The following WDPCP variants were observed in gnomAD, a reference collection of about 807,000 sequenced individuals.
WDPCP encodes the protein WD repeat-containing and planar cell polarity effector protein fritz homolog.
In WDPCP, 71 loss-of-function variants were observed where a neutral mutation model predicts 93.1. That is an observed-to-expected ratio of 0.76 (90% CI 0.63 to 0.93). WDPCP has a LOEUF of 0.93. WDPCP is among the 40% of genes least tolerant of loss of function. The probability of loss-of-function intolerance (pLI) is 0.00; values close to 1 mark genes in which losing one functional copy is unlikely to be tolerated. For missense variants in WDPCP, 844 were observed against 887.4 expected (o/e 0.95, Z 0.62); for synonymous variants, 315 against 315.0 (o/e 1.00, Z 0.00).
At chr2:63,466,738 T>C (rs1376756379) in intron 6 of WDPCP, among the ~76,000 whole-genome samples, 2 of 152,234 alleles carry the variant, frequency 1.3e-5, no homozygotes, top group African/African-American at 2.4e-5. Context: ...AGTTAGATTA[T>C]TCAGATTTGA....
In WDPCP at chr2:63,190,100, G is replaced by T. The variant is rs183723715; in HGVS notation, c.1916-15268C>A. Among the ~76,000 whole-genome samples the T allele has an allele frequency of 1.1e-3, 160 of 151,898 alleles. No individual in the cohort carries two copies. The South Asian group carries it at 0.011, about 10-fold the overall frequency. ...GTGTGATAACAGGGTGGGGAGAGGG[G>T]GCAGAAAAAAATAAACAAATAGTGA... On this transcript the variant is annotated intron_variant, in intron 14 of 17. Transcript: ENST00000272321.
chr2:63,764,884 T>C (rs1249898576), intron 2 of WDPCP, among the ~76,000 whole-genome samples: 1 of 152,198 alleles, frequency 6.6e-6, no homozygotes, highest in African/African-American at 2.4e-5. Context: ...AGATTCTCTT[T>C]GAGGTCATGT....
Position 63,135,919 on chromosome 2 carries a change from A to C in WDPCP, c.2191-13863T>G, listed in dbSNP as rs145325798. 6.9e-3 allele frequency among the ~76,000 whole-genome samples: 1,044 copies of C among 152,140 alleles called. 14 individuals carry two copies. Among genetic ancestry groups the C allele is most frequent in the African/African-American group, 0.024 (986 of 41,492 alleles). On this transcript the variant is annotated intron_variant, in intron 17 of 17. Coordinates refer to ENST00000272321, the MANE Select transcript of WDPCP (RefSeq NM_015910.7). ...CTAATTAAAAAAAATTTTTTTTTAG[A>C]GATGGGGTCCTGCTATGTTGCCCAG...
At chr2:63,460,862 G>A (rs191929720) in intron 6 of WDPCP, among the ~76,000 whole-genome samples, 7 of 151,352 alleles carry the variant, frequency 4.6e-5, no homozygotes, top group Non-Finnish European at 8.9e-5. Flanking sequence ...TCCTGACCTC[G>A]TGATTCACCC....
Position 63,121,741 on chromosome 2 carries a change from AT to A in WDPCP, c.*264del. ...TCTATTTTTGTAGCACCTAATTAAC[AT>A]ACAATTTAAGACACTTTCAAAATTT... On this transcript the variant is annotated 3_prime_UTR_variant, in exon 18 of 18. Transcript: ENST00000272321. The A allele has an allele frequency of 1.3e-6, 1 of 799,956 alleles. No homozygotes were observed. The highest frequency in any genetic ancestry group is 3.8e-5 in the East Asian group (1 of 26,242). The allele number at this position is 799,956 out of a possible 1,614,324, so 49.6% of individuals were successfully genotyped here.
chr2:63,795,496 T>A (rs1670600740), intron 2 of WDPCP, among the ~76,000 whole-genome samples: 1 of 128,442 alleles, frequency 7.8e-6, no homozygotes, highest in African/African-American at 3.0e-5. Flanking sequence ...TGAGACCCTG[T>A]CTCAAAAAAA....
intron 3 of WDPCP, among the ~76,000 whole-genome samples, chr2:63,634,427 A>G (rs1709900845): frequency 6.6e-6 from 1 of 152,252 alleles, no homozygotes; most frequent in African/African-American, 2.4e-5. Flanking sequence ...ATAATAGTAG[A>G]AACTTTAACA....
chr2:63,231,801 G>C (rs1375966673), intron 14 of WDPCP, among the ~76,000 whole-genome samples: 2 of 152,052 alleles, frequency 1.3e-5, no homozygotes, highest in Non-Finnish European at 2.9e-5. Flanking sequence ...AGCTACCATT[G>C]ACTTTCTTCA....
At chr2:63,175,810 A>G (rs1033407118) in intron 14 of WDPCP, among the ~76,000 whole-genome samples, 1 of 152,154 alleles carries the variant, frequency 6.6e-6, no homozygotes, top group African/African-American at 2.4e-5. Flanking sequence ...TGTATATACC[A>G]TGCTTTGTTT....
chr2:63,641,842 G>T (rs1051048101), intron 3 of WDPCP, among the ~76,000 whole-genome samples: 1 of 152,124 alleles, frequency 6.6e-6, no homozygotes, highest in Admixed American at 6.6e-5. Context: ...CTGTGCTTGT[G>T]GGGTATTACT....
At chr2:63,591,450 A>T (rs1331167119), upstream of WDPCP, among the ~76,000 whole-genome samples, 1 of 152,250 alleles carries the variant, frequency 6.6e-6, no homozygotes, top group Non-Finnish European at 1.5e-5. Context: ...TTAACTGTTC[A>T]TTAGGTGGCC....
intron 2 of WDPCP, among the ~76,000 whole-genome samples, chr2:63,706,778 G>A (rs1454173998): frequency 9.3e-5 from 14 of 151,012 alleles, no homozygotes; most frequent in Non-Finnish European, 7.4e-5. Context: ...CACCGCGCCC[G>A]GCTAATTTTT....
intron 1 of WDPCP, among the ~76,000 whole-genome samples, chr2:63,537,144 C>G (rs185328711): frequency 3.0e-4 from 46 of 152,252 alleles, no homozygotes; most frequent in South Asian, 2.3e-3. Context: ...AATGGAAGCA[C>G]CAACCACCTA....
chr2:63,174,768 T>A lies in WDPCP; in HGVS notation c.1980A>T (p.Ala660=). 6.2e-7 allele frequency: 1 copy of A among 1,613,994 alleles called. No individual in the cohort carries two copies. Among genetic ancestry groups the A allele is most frequent in the Non-Finnish European group, 8.5e-7 (1 of 1,179,936 alleles). ...CTGGAAATGAGTCTTCTCCTTGAGGTGCTAAAGACAGGCCAATAAATGCTT... is the reference window on the plus strand; with the variant it reads ...CTGGAAATGAGTCTTCTCCTTGAGGAGCTAAAGACAGGCCAATAAATGCTT... The part of the protein sequence containing the change: ...LNEAFIGLSL[A]PQGEDSFPDN... Residue 660 remains alanine (A), a synonymous_variant, in exon 15 of 18, where the codon GCA becomes GCT. Transcript: ENST00000272321.
At chr2:63,146,530 C>G (rs957485893) in intron 17 of WDPCP, among the ~76,000 whole-genome samples, 10 of 151,928 alleles carry the variant, frequency 6.6e-5, no homozygotes, top group Admixed American at 5.9e-4. Context: ...AGGCACACGC[C>G]ACCATGCCCA....
chr2:63,352,817 T>G (rs1172018942), intron 12 of WDPCP, among the ~76,000 whole-genome samples: 2 of 152,182 alleles, frequency 1.3e-5, no homozygotes, highest in African/African-American at 2.4e-5. Flanking sequence ...CTCTGTGCCT[T>G]GGATGCTGGT....
At chr2:63,493,081 A>G (rs1700996291) in intron 1 of WDPCP, 141 bp from the exon 2 acceptor site, 2 of 705,662 alleles carry the variant, frequency 2.8e-6, no homozygotes, top group Non-Finnish European at 4.9e-6. Context: ...AACATACTCT[A>G]GTGTATCCTT....
intron 9 of WDPCP, among the ~76,000 whole-genome samples, chr2:63,413,539 T>C (rs1401731484): frequency 6.6e-6 from 1 of 152,136 alleles, no homozygotes; most frequent in Non-Finnish European, 1.5e-5. Context: ...GGCTCACACT[T>C]GTAATCCCAG....
intron 3 of WDPCP, among the ~76,000 whole-genome samples, chr2:63,636,290 T>C (rs899882436): frequency 6.6e-6 from 1 of 152,226 alleles, no homozygotes; most frequent in Non-Finnish European, 1.5e-5. Context: ...AAGTGATCAA[T>C]AGATTCAATA....
Sources: allele counts gnomAD v4.1 joint callset (sites outside exome capture counted in the v4.1 genomes callset), GRCh38; gene constraint gnomAD v4.1.1; transcripts MANE v1.5; gene names NCBI Gene and HGNC (gene_info 2026-07-23, HGNC 2026-07-21).